The following DIXDC1 variants were observed in gnomAD, a reference collection of about 807,000 sequenced individuals.
The protein encoded by DIXDC1 is DIX domain containing 1, also known as dixin.
A neutral mutation model predicts 103.1 loss-of-function variants in DIXDC1; 64 were observed. The ratio of observed to expected loss-of-function variants is 0.62; its 90% CI spans 0.51 to 0.76. The LOEUF (loss-of-function observed/expected upper bound fraction) is 0.76, where lower values mean the gene tolerates loss of function less well. Among genes scored for constraint, DIXDC1 ranks in the 30% least tolerant of loss-of-function variants. DIXDC1 has a pLI of 0.00. For synonymous variants in DIXDC1, 266 were observed against 298.5 expected (o/e 0.89, Z 1.12); for missense variants, 759 against 834.2 (o/e 0.91, Z 1.11).
intron 9 of DIXDC1, among the ~76,000 whole-genome samples, chr11:111,987,356 A>G (rs1860527641): frequency 6.6e-6 from 1 of 152,124 alleles, no homozygotes; most frequent in African/African-American, 2.4e-5. Context: ...CTTGAAAGAG[A>G]GAGATACATC....
chr11:111,962,787 C>T (rs368949880), intron 1 of DIXDC1, among the ~76,000 whole-genome samples: 1 of 152,202 alleles, frequency 6.6e-6, no homozygotes, highest in East Asian at 1.9e-4. Context: ...TAATCAGATC[C>T]CACCAGTCAC....
chr11:111,939,036 T>G (rs1966321357), intron 1 of DIXDC1, among the ~76,000 whole-genome samples: 1 of 152,228 alleles, frequency 6.6e-6, no homozygotes, highest in African/African-American at 2.4e-5. Context: ...ACTCTCTGCC[T>G]TTGGGCTGCC....
chr11:111,991,858 G>T, intron 10 of DIXDC1, among the ~76,000 whole-genome samples: 1 of 152,232 alleles, frequency 6.6e-6, no homozygotes, highest in East Asian at 1.9e-4. Flanking sequence ...GCCAGCATGG[G>T]AGTGATTTCA....
chr11:112,018,963 A>G lies in DIXDC1; in HGVS notation c.1979A>G (p.His660Arg), dbSNP rs1336952712. 5 of 1,610,636 alleles carry G rather than the reference A, an allele frequency of 3.1e-6. No individual in the cohort carries two copies. Among genetic ancestry groups the G allele is most frequent in the Non-Finnish European group, 3.4e-6 (4 of 1,177,800 alleles). ...EFGTVKEEIF[H>R]DDDAIPGWEG... ...TTTTGTTTTTTTCTCTAGATTTTCC[A>G]TGATGATGATGCCATCCCTGGATGG... Residue 660 changes from histidine (H) to arginine (R), a missense_variant, in exon 20 of 20, where the codon CAT becomes CGT. Physicochemically the swap from His to Arg is conservative, Grantham distance 29. Coordinates refer to ENST00000440460, the MANE Select transcript of DIXDC1 (RefSeq NM_001037954.4).
At chr11:111,980,060 A>G (rs765082594) in intron 5 of DIXDC1, among the ~76,000 whole-genome samples, 22 of 152,258 alleles carry the variant, frequency 1.4e-4, no homozygotes, top group Non-Finnish European at 2.5e-4. Context: ...GGAATAAATC[A>G]AGTAAACCCT....
Position 111,986,864 on chromosome 11 carries a change from T to C in DIXDC1, c.1009-7T>C. The C allele has an allele frequency of 6.4e-7, 1 of 1,564,710 alleles. No individual in the cohort carries two copies. The highest frequency in any genetic ancestry group is 8.7e-7 in the Non-Finnish European group (1 of 1,153,486). Reference sequence around the variant, plus strand: ...TGCTTAGCCATCTCTGTTTGTCTTATATTCAGATTATAATCCAAAGTCGTC... The same window carrying C: ...TGCTTAGCCATCTCTGTTTGTCTTACATTCAGATTATAATCCAAAGTCGTC... On this transcript the variant is annotated splice_region_variant and splice_polypyrimidine_tract_variant and intron_variant, in intron 8 of 19. Coordinates refer to ENST00000440460, the MANE Select transcript of DIXDC1 (RefSeq NM_001037954.4).
intron 6 of DIXDC1, 180 bp from the exon 7 acceptor site, chr11:111,982,159 C>T (rs1566525667): frequency 3.6e-6 from 2 of 562,066 alleles, no homozygotes; most frequent in East Asian, 5.7e-5. Flanking sequence ...AGCCTGAGGC[C>T]TGAGCTCACA....
chr11:111,962,365 C>A (rs956712244), intron 1 of DIXDC1, among the ~76,000 whole-genome samples: 12 of 152,008 alleles, frequency 7.9e-5, no homozygotes, highest in Non-Finnish European at 1.5e-4. Context: ...ACCCGTAGTC[C>A]CAGCTACTTG....
chr11:111,929,885 A>C, exon 2 of DIXDC1: 1 of 1,535,874 alleles, frequency 6.5e-7, no homozygotes, highest in Non-Finnish European at 8.7e-7. Context: ...AGATTCAATA[A>C]CTCCTTGCTG....
intron 17 of DIXDC1, among the ~76,000 whole-genome samples, chr11:112,011,875 C>T (rs879978422): frequency 6.6e-6 from 1 of 152,122 alleles, no homozygotes; most frequent in Non-Finnish European, 1.5e-5. Flanking sequence ...ATGGGTGCAG[C>T]AAACCCACAT....
chr11:111,996,847 C>T (rs1202502641), intron 17 of DIXDC1, among the ~76,000 whole-genome samples: 1 of 152,170 alleles, frequency 6.6e-6, no homozygotes, highest in Admixed American at 6.5e-5. Flanking sequence ...AAGACTCCAT[C>T]TCAAAATAAA....
Position 112,022,648 on chromosome 11 carries a change from G to A in DIXDC1, c.*3612G>A, listed in dbSNP as rs1361402556. 6.6e-6 allele frequency: 1 copy of A among 152,618 alleles called. No individual in the cohort carries two copies. The highest frequency in any genetic ancestry group is 1.5e-5 in the Non-Finnish European group (1 of 68,032). The allele number at this position is 152,618 out of a possible 1,614,324, so 9.5% of individuals were successfully genotyped here. On this transcript the variant is annotated 3_prime_UTR_variant, in exon 20 of 20. Transcript: ENST00000440460. This position sits in a 1 kb window ranked among gnomAD's most constrained non-coding sequence, Gnocchi z 4.9. ...TAATCAATAAAGCCATTTACATTTA[G>A]TGAAAGCAAATTTCCTCAAGTGATC...
intron 1 of DIXDC1, among the ~76,000 whole-genome samples, chr11:111,941,993 G>T (rs1966436355): frequency 6.6e-6 from 1 of 152,116 alleles, no homozygotes; most frequent in Non-Finnish European, 1.5e-5. Context: ...AGTAGCGGTG[G>T]CGTCAACACT....
chr11:111,968,501 C>T lies in DIXDC1; in HGVS notation c.191-12C>T. 1.2e-6 allele frequency: 2 copies of T among 1,610,994 alleles called. No homozygotes were observed. Among genetic ancestry groups the T allele is most frequent in the Middle Eastern group, 1.7e-4 (1 of 6,058 alleles). ...CTCCCTATAACTTCCTATATTTTCTCTCTCCTAACAGCAGGAGAAAAGCTG... is the reference window on the plus strand; with the variant it reads ...CTCCCTATAACTTCCTATATTTTCTTTCTCCTAACAGCAGGAGAAAAGCTG... On this transcript the variant is annotated splice_polypyrimidine_tract_variant and intron_variant, in intron 2 of 19. Transcript: ENST00000440460.
Position 111,986,848 on chromosome 11 carries a change from A to T in DIXDC1, c.1009-23A>T, listed in dbSNP as rs1555173905. 1.9e-6 allele frequency: 3 copies of T among 1,557,134 alleles called. No homozygotes were observed. The Admixed American group carries it at 5.8e-5, about 30-fold the overall frequency. ...TACTTCACAGCATAGGTGCTTAGCC[A>T]TCTCTGTTTGTCTTATATTCAGATT... On this transcript the variant is annotated intron_variant, in intron 8 of 19. Transcript: ENST00000440460.
At position 111,999,494 on chromosome 11, in the gene DIXDC1, C is replaced by G. The variant is rs150864502; in HGVS notation, c.1756+3348C>G. ...AAGCTATAAAGTTCTTAGAAGAAAA[C>G]ATAGAGAAAAATATTCATGACCTTG... On this transcript the variant is annotated intron_variant, in intron 17 of 19. Transcript: ENST00000440460. Among the ~76,000 whole-genome samples, 93 of 152,264 alleles carry G rather than the reference C, an allele frequency of 6.1e-4. 1 individual carries two copies. The East Asian group carries it at 0.014, about 22-fold the overall frequency.
At chr11:111,933,083 A>C (rs1966081552), upstream of DIXDC1, among the ~76,000 whole-genome samples, 1 of 152,258 alleles carries the variant, frequency 6.6e-6, no homozygotes. Context: ...CGTATAATTA[A>C]GTACTAAATG....
intron 1 of DIXDC1, among the ~76,000 whole-genome samples, chr11:111,941,366 G>A (rs1457170502): frequency 1.2e-4 from 19 of 152,188 alleles, no homozygotes; most frequent in South Asian, 4.2e-4. Context: ...TTGGGGGAAT[G>A]GTTTATGAAA....
At position 111,982,373 on chromosome 11, in the gene DIXDC1, G is replaced by A. The variant is rs1860337548; in HGVS notation, c.804G>A (p.Arg268=). 1 of 1,613,926 alleles carries A rather than the reference G, an allele frequency of 6.2e-7. No individual in the cohort carries two copies. Among genetic ancestry groups the A allele is most frequent in the South Asian group, 1.1e-5 (1 of 91,072 alleles). ...ATTCTCCATTATCTCGAGACTGGCGGCCAGGGAGCCCTGGAACCTATCTGG... is the reference window on the plus strand; with the variant it reads ...ATTCTCCATTATCTCGAGACTGGCGACCAGGGAGCCCTGGAACCTATCTGG... ...GTDSPLSRDW[R]PGSPGTYLET... is the part of the protein sequence containing the mutation. Residue 268 remains arginine, a synonymous_variant, in exon 7 of 20, where the codon CGG becomes CGA. Coordinates refer to ENST00000440460, the MANE Select transcript of DIXDC1 (RefSeq NM_001037954.4).
Sources: allele counts gnomAD v4.1 joint callset (sites outside exome capture counted in the v4.1 genomes callset), GRCh38; gene constraint gnomAD v4.1.1; non-coding constraint Gnocchi (gnomAD v3.1); transcripts MANE v1.5; gene names NCBI Gene and HGNC (gene_info 2026-07-23, HGNC 2026-07-21).